The following ZSCAN5A variants were observed in gnomAD, a reference collection of about 807,000 sequenced individuals.
ZSCAN5A encodes zinc finger and SCAN domain-containing protein 5A.
In ZSCAN5A, 12 loss-of-function variants were observed where a neutral mutation model predicts 23.7. That is an observed-to-expected ratio of 0.51 (90% confidence interval 0.32 to 0.82). ZSCAN5A has a LOEUF of 0.82. ZSCAN5A is among the 40% of genes least tolerant of loss of function. ZSCAN5A has a pLI of 0.03. For missense variants in ZSCAN5A, 597 were observed against 617.9 expected (o/e 0.97, Z 0.36); for synonymous variants, 257 against 239.9 (o/e 1.07, Z -0.66).
At chr19:56,309,930 C>G (rs1287250930) in intron 2 of ZSCAN5A, among the ~76,000 whole-genome samples, 1 of 151,862 alleles carries the variant, frequency 6.6e-6, no homozygotes, top group Non-Finnish European at 1.5e-5. Flanking sequence ...GCTGGAACAG[C>G]CCGGTGGGAA....
intron 2 of ZSCAN5A, among the ~76,000 whole-genome samples, chr19:56,329,303 C>G (rs754010911): frequency 6.6e-6 from 1 of 151,444 alleles, no homozygotes; most frequent in Admixed American, 6.6e-5. Context: ...GAGCCGAGAT[C>G]GTGTCACTGT....
chr19:56,298,530 G>A (rs183272889), intron 2 of ZSCAN5A, among the ~76,000 whole-genome samples: 12 of 151,984 alleles, frequency 7.9e-5, no homozygotes, highest in African/African-American at 2.2e-4. Flanking sequence ...GCGGGTGCCT[G>A]TAGTCCCAGC....
chr19:56,346,188 GA>G (rs1032676464), intron 2 of ZSCAN5A, among the ~76,000 whole-genome samples: 1 of 150,282 alleles, frequency 6.7e-6, no homozygotes, highest in Non-Finnish European at 1.5e-5. Context: ...ACCCAATGGG[GA>G]AAAAAAGCAA....
At chr19:56,302,416 ATCCC>A (rs1355726759) in intron 2 of ZSCAN5A, among the ~76,000 whole-genome samples, 10 of 86,104 alleles carry the variant, frequency 1.2e-4, no homozygotes, top group South Asian at 3.5e-4. Context: ...TCCTCCCTTC[ATCCC>A]TCCCTTTCTC....
intron 2 of ZSCAN5A, chr19:56,228,496 T>TC: frequency 1.0e-6 from 1 of 955,620 alleles, no homozygotes; most frequent in Non-Finnish European, 1.2e-6. Flanking sequence ...TGCAAATATT[T>TC]CCCGCTCTAC....
intron 2 of ZSCAN5A, among the ~76,000 whole-genome samples, chr19:56,243,523 T>G (rs1283001601): frequency 6.6e-6 from 1 of 152,216 alleles, no homozygotes; most frequent in African/African-American, 2.4e-5. Context: ...TAACTATTTT[T>G]CTCTATCTTT....
At chr19:56,320,812 A>G (rs2041367695) in intron 2 of ZSCAN5A, 2 of 796,192 alleles carry the variant, frequency 2.5e-6, no homozygotes, top group African/African-American at 1.7e-5. Context: ...CCTTATCACC[A>G]TAGGTGGCAG....
intron 2 of ZSCAN5A, chr19:56,298,248 A>G (rs1434764780): frequency 2.0e-5 from 3 of 152,202 alleles, no homozygotes; most frequent in Non-Finnish European, 4.4e-5. Flanking sequence ...CAATAAGGTG[A>G]TCATTGGAGA....
chr19:56,280,370 T>C (rs963377277), intron 2 of ZSCAN5A, among the ~76,000 whole-genome samples: 4 of 152,188 alleles, frequency 2.6e-5, no homozygotes, highest in Non-Finnish European at 4.4e-5. Context: ...ACTCAGGTTG[T>C]TTTCAGTAGT....
Position 56,320,743 on chromosome 19 carries a change from T to C in ZSCAN5A, c.-357-4475A>G, listed in dbSNP as rs1449164069. ...TATATGGAAATTCTGACACAAGACG[T>C]ACTCCAACAATAGGCCACCTTTTGC... On this transcript the variant is annotated intron_variant, in intron 2 of 6. Transcript: ENST00000587340. The C allele has an allele frequency of 4.1e-6, 5 of 1,229,466 alleles. No individual in the cohort carries two copies. The East Asian group carries it at 1.2e-4, about 29-fold the overall frequency. The allele number at this position is 1,229,466 out of a possible 1,614,324, so 76.2% of individuals were successfully genotyped here. A position where few individuals can be genotyped will look rare whatever the true frequency, so the allele number is the denominator to read the frequency against.
chr19:56,302,506 CTTCT>C (rs1482105255), intron 2 of ZSCAN5A, among the ~76,000 whole-genome samples: 1 of 53,378 alleles, frequency 1.9e-5, no homozygotes, highest in African/African-American at 8.5e-5. Flanking sequence ...CCTCTCTGCC[CTTCT>C]TTCCTTCCTC....
At chr19:56,349,502 G>A (rs1218366092) in intron 2 of ZSCAN5A, among the ~76,000 whole-genome samples, 1 of 151,864 alleles carries the variant, frequency 6.6e-6, no homozygotes. Context: ...CGAGACCAGC[G>A]TGGCTAACAT....
At chr19:56,222,891 C>T (rs1342252296) in intron 4 of ZSCAN5A, 150 bp from the exon 5 acceptor site, 3 of 988,152 alleles carry the variant, frequency 3.0e-6, no homozygotes, top group Admixed American at 2.6e-5. Flanking sequence ...CCCCATCACC[C>T]CACGTAAACA....
chr19:56,309,632 A>C (rs1316083837), intron 2 of ZSCAN5A, among the ~76,000 whole-genome samples: 1 of 152,204 alleles, frequency 6.6e-6, no homozygotes, highest in African/African-American at 2.4e-5. Context: ...ACCCAGAAGC[A>C]AACCTTAAGG....
Position 56,225,175 on chromosome 19 carries a change from T to C in ZSCAN5A, c.-127-2A>G. The C allele has an allele frequency of 7.3e-7, 1 of 1,379,164 alleles. No individual in the cohort carries two copies. Among genetic ancestry groups the C allele is most frequent in the Non-Finnish European group, 9.3e-7 (1 of 1,075,238 alleles). The allele number at this position is 1,379,164 out of a possible 1,614,324, so 85.4% of individuals were successfully genotyped here. ...TAGATTCACTGTTCATTCAGAAGTC[T>C]GGGGGGGAAAAGTATGAGCCTCATT... is the stretch of plus-strand genomic sequence containing the variant. On this transcript the variant is annotated splice_acceptor_variant, in intron 2 of 5. Coordinates refer to ENST00000683990, the MANE Select transcript of ZSCAN5A (RefSeq NM_001322064.3). LOFTEE classifies it low-confidence loss of function (5UTR_SPLICE).
intron 2 of ZSCAN5A, among the ~76,000 whole-genome samples, chr19:56,325,230 G>A (rs763420131): frequency 1.3e-5 from 2 of 152,086 alleles, no homozygotes; most frequent in Non-Finnish European, 2.9e-5. Context: ...TGCCATTTAC[G>A]TGGGATAAAG....
chr19:56,359,122 T>A (rs2041716536), intron 2 of ZSCAN5A, among the ~76,000 whole-genome samples: 1 of 148,134 alleles, frequency 6.8e-6, no homozygotes, highest in Admixed American at 6.7e-5. Flanking sequence ...TTCAAAAAAA[T>A]CGACAAATCC....
chr19:56,250,828 T>G (rs779161559), intron 2 of ZSCAN5A, among the ~76,000 whole-genome samples: 4 of 152,174 alleles, frequency 2.6e-5, no homozygotes, highest in Non-Finnish European at 5.9e-5. Context: ...TTTCTATGGA[T>G]TCTATTCTTT....
At chr19:56,321,663 C>G in intron 2 of ZSCAN5A, 1 of 1,207,064 alleles carries the variant, frequency 8.3e-7, no homozygotes, top group Non-Finnish European at 1.2e-6. Flanking sequence ...TCATAGTAGA[C>G]AATTCCTCCT....
Sources: allele counts gnomAD v4.1 joint callset (sites outside exome capture counted in the v4.1 genomes callset), GRCh38; gene constraint gnomAD v4.1.1; transcripts MANE v1.5; gene names NCBI Gene and HGNC (gene_info 2026-07-23, HGNC 2026-07-21).